PPP4R4: variants seen among roughly 807,000 people sequenced by gnomAD.
PPP4R4 encodes the protein serine/threonine-protein phosphatase 4 regulatory subunit 4.
PPP4R4 carries 70 observed loss-of-function variants against 121.8 expected under a neutral mutation model. That is an observed-to-expected ratio of 0.57 (90% CI 0.47 to 0.70). PPP4R4 has a LOEUF of 0.70. PPP4R4 is among the 30% of genes least tolerant of loss of function. The pLI is 0.00. For synonymous variants in PPP4R4, 348 were observed against 355.7 expected (o/e 0.98, Z 0.24); for missense variants, 875 against 1,033.6 (o/e 0.85, Z 2.10).
At chr14:94,250,343 C>T in intron 15 of PPP4R4, 66 bp downstream of exon 15, 1 of 1,024,792 alleles carries the variant, frequency 9.8e-7, no homozygotes, top group South Asian at 1.3e-5. Context: ...TTAGTTATGT[C>T]TAACTTATGT....
Position 94,174,652 on chromosome 14 carries a change from T to G in PPP4R4, c.117+70T>G, listed in dbSNP as rs1377250361. The G allele has an allele frequency of 4.5e-6, 7 of 1,566,598 alleles. No individual in the cohort carries two copies. The East Asian group carries it at 1.6e-4, about 37-fold the overall frequency. ...TGCCCCGCGCGGTCCCGCGCTGATC[T>G]CTGCCCCACGCCACCACCCTCCCCT... is the stretch of plus-strand genomic sequence containing the variant. On this transcript the variant is annotated intron_variant, in intron 1 of 24. Coordinates refer to ENST00000304338, the MANE Select transcript of PPP4R4 (RefSeq NM_058237.2).
chr14:94,225,920 T>A (rs75971190), intron 3 of PPP4R4, among the ~76,000 whole-genome samples: 47 of 152,290 alleles, frequency 3.1e-4, no homozygotes, highest in African/African-American at 1.1e-3. Context: ...TGCTTTTTTT[T>A]CTAAGAGAAC....
chr14:94,179,354 A>T (rs1013642488), intron 2 of PPP4R4, among the ~76,000 whole-genome samples: 1 of 152,218 alleles, frequency 6.6e-6, no homozygotes, highest in African/African-American at 2.4e-5. Flanking sequence ...TCTTTCACTT[A>T]GCATAAGGTG....
intron 9 of PPP4R4, 109 bp from the exon 10 acceptor site, chr14:94,241,679 A>G: frequency 3.8e-6 from 3 of 790,036 alleles, no homozygotes; most frequent in Non-Finnish European, 5.9e-6. Flanking sequence ...ATCTGTAACC[A>G]TTTATTTAAG....
At chr14:94,200,168 A>G (rs1172265269) in intron 2 of PPP4R4, among the ~76,000 whole-genome samples, 1 of 152,206 alleles carries the variant, frequency 6.6e-6, no homozygotes, top group Non-Finnish European at 1.5e-5. Context: ...AGAATATAAT[A>G]TATAAAAGTA....
At chr14:94,177,853 C>T (rs1250178181) in intron 2 of PPP4R4, among the ~76,000 whole-genome samples, 1 of 152,190 alleles carries the variant, frequency 6.6e-6, no homozygotes, top group Non-Finnish European at 1.5e-5. Flanking sequence ...GACAGATGGG[C>T]CCTCTCATTC....
chr14:94,262,533 A>G (rs1330694157), intron 19 of PPP4R4, among the ~76,000 whole-genome samples: 1 of 152,028 alleles, frequency 6.6e-6, no homozygotes, highest in East Asian at 1.9e-4. Context: ...TAACAATAAT[A>G]CAAATCTCTT....
In PPP4R4 at chr14:94,259,057, A is replaced by T. The variant is rs2896265; in HGVS notation, c.2052+233A>T. On this transcript the variant is annotated intron_variant, in intron 18 of 24. Coordinates refer to ENST00000304338, the MANE Select transcript of PPP4R4 (RefSeq NM_058237.2). Reference sequence around the variant, plus strand: ...CAGGGAAACTCCCCCTTACAATACCATCAGATCTCGAGAGACTCATTCACT... The same window carrying T: ...CAGGGAAACTCCCCCTTACAATACCTTCAGATCTCGAGAGACTCATTCACT... Among the ~76,000 whole-genome samples the T allele has an allele frequency of 0.24, 35,847 of 151,954 alleles. 5,075 individuals are homozygous for T. The highest frequency in any genetic ancestry group is 0.59 in the East Asian group (3,025 of 5,142).
chr14:94,233,636 C>T lies in PPP4R4; in HGVS notation c.517-17C>T, dbSNP rs1416071638. The T allele has an allele frequency of 4.0e-6, 6 of 1,511,630 alleles. No individual in the cohort carries two copies. Among genetic ancestry groups the T allele is most frequent in the African/African-American group, 2.8e-5 (2 of 71,786 alleles). 93.6% of individuals were successfully genotyped at this position (1,511,630 alleles called of 1,614,324 possible). On this transcript the variant is annotated splice_polypyrimidine_tract_variant and intron_variant, in intron 5 of 24. Coordinates refer to ENST00000304338, the MANE Select transcript of PPP4R4 (RefSeq NM_058237.2). ...TATAAAATTTTGTGAATTTTTTTCTCTAAATTTTCTCTTTAGATTTTGAAT... is the reference window on the plus strand; with the variant it reads ...TATAAAATTTTGTGAATTTTTTTCTTTAAATTTTCTCTTTAGATTTTGAAT...
At chr14:94,195,064 A>G (rs1889798419) in intron 2 of PPP4R4, among the ~76,000 whole-genome samples, 1 of 152,242 alleles carries the variant, frequency 6.6e-6, no homozygotes, top group African/African-American at 2.4e-5. Context: ...TTGTGAACAT[A>G]TGCAGTCTAC....
chr14:94,209,945 A>T (rs1232568832), intron 3 of PPP4R4, among the ~76,000 whole-genome samples: 2 of 152,142 alleles, frequency 1.3e-5, no homozygotes, highest in African/African-American at 2.4e-5. Flanking sequence ...AGGTCTCTAA[A>T]TTACTTTGCA....
chr14:94,245,719 ACT>A (rs775186616), intron 13 of PPP4R4, 49 bp downstream of exon 13: 1 of 1,355,402 alleles, frequency 7.4e-7, no homozygotes, highest in East Asian at 2.3e-5. Flanking sequence ...ATATTATCCT[ACT>A]CTACAGGGTG....
At chr14:94,206,618 A>T (rs1387895710) in intron 2 of PPP4R4, among the ~76,000 whole-genome samples, 2 of 152,014 alleles carry the variant, frequency 1.3e-5, no homozygotes, top group Non-Finnish European at 2.9e-5. Context: ...ATTGCAAATT[A>T]GTGAATAAAA....
At chr14:94,179,404 A>G (rs999550468) in intron 2 of PPP4R4, among the ~76,000 whole-genome samples, 3 of 152,166 alleles carry the variant, frequency 2.0e-5, no homozygotes, top group Admixed American at 2.0e-4. Flanking sequence ...TCAGTAGTTT[A>G]TTCCTTTTTA....
At chr14:94,180,457 G>T (rs1485789794) in intron 2 of PPP4R4, among the ~76,000 whole-genome samples, 2 of 152,114 alleles carry the variant, frequency 1.3e-5, no homozygotes, top group Non-Finnish European at 2.9e-5. Flanking sequence ...GTATTGATTG[G>T]TTAATGTACT....
chr14:94,207,454 T>C (rs527833589), intron 2 of PPP4R4, among the ~76,000 whole-genome samples: 11 of 152,116 alleles, frequency 7.2e-5, no homozygotes, highest in Admixed American at 7.2e-4. Context: ...ATATGTTTCT[T>C]TCTAATAGAA....
At chr14:94,222,872 T>G (rs562503906) in intron 3 of PPP4R4, among the ~76,000 whole-genome samples, 1 of 152,218 alleles carries the variant, frequency 6.6e-6, no homozygotes, top group African/African-American at 2.4e-5. Context: ...AGACTCCAAT[T>G]TTATGTATAT....
intron 2 of PPP4R4, among the ~76,000 whole-genome samples, chr14:94,180,607 T>TTTTTTTC: frequency 2.0e-5 from 3 of 150,948 alleles, no homozygotes; most frequent in African/African-American, 7.3e-5. Flanking sequence ...TTTTTTTTTT[T>TTTTTTTC]TTTTTTCTTT....
chr14:94,256,023 A>G (rs1233805242), intron 16 of PPP4R4, among the ~76,000 whole-genome samples: 1 of 152,224 alleles, frequency 6.6e-6, no homozygotes, highest in East Asian at 1.9e-4. Context: ...AGATATTCAC[A>G]TAGCTCATTC....
Sources: allele counts gnomAD v4.1 joint callset (sites outside exome capture counted in the v4.1 genomes callset), GRCh38; gene constraint gnomAD v4.1.1; transcripts MANE v1.5; gene names NCBI Gene and HGNC (gene_info 2026-07-23, HGNC 2026-07-21).